GALNS: variants seen among roughly 807,000 people sequenced by gnomAD.
GALNS encodes N-acetylgalactosamine-6-sulfatase.
Under a neutral mutation model 65.9 loss-of-function variants are expected in GALNS, and 65 were observed. That is an observed-to-expected ratio of 0.99 (90% confidence interval 0.81 to 1.21). The LOEUF is 1.21. Among genes scored for constraint, GALNS ranks in the 50% most tolerant of loss-of-function variants. The pLI is 0.00. For synonymous variants in GALNS, 346 were observed against 288.9 expected, an observed-to-expected ratio of 1.20 and a Z score of -2.00; for missense variants, 776 against 700.7, an observed-to-expected ratio of 1.11 and a Z score of -1.21.
At chr16:88,824,523 A>T (rs1397635365) in intron 11 of GALNS, among the ~76,000 whole-genome samples, 1 of 152,006 alleles carries the variant, frequency 6.6e-6, no homozygotes, top group Non-Finnish European at 1.5e-5. Context: ...CCACGCCTGT[A>T]GCTATGCCGC....
At chr16:88,837,289 C>CGGA (rs1912240732) in intron 5 of GALNS, among the ~76,000 whole-genome samples, 1 of 152,158 alleles carries the variant, frequency 6.6e-6, no homozygotes. Flanking sequence ...GGAGCACAGC[C>CGGA]GGCCTCCCCA....
chr16:88,823,535 C>T (rs1297848508), intron 11 of GALNS, among the ~76,000 whole-genome samples: 109 of 119,274 alleles, frequency 9.1e-4, no homozygotes, highest in African/African-American at 3.2e-3. Context: ...GCGGCAATGC[C>T]GGGGACCGAT....
intron 9 of GALNS, among the ~76,000 whole-genome samples, chr16:88,830,058 C>T (rs567531628): frequency 4.6e-5 from 7 of 152,174 alleles, no homozygotes; most frequent in African/African-American, 1.4e-4. Flanking sequence ...TAGTGAAACT[C>T]CGTCTCTACT....
chr16:88,846,043 T>A (rs1003269421), intron 1 of GALNS, among the ~76,000 whole-genome samples: 1 of 152,094 alleles, frequency 6.6e-6, no homozygotes, highest in African/African-American at 2.4e-5. Context: ...TAGGAGTTTA[T>A]CCTAAGAAAA....
At chr16:88,836,096 G>A in intron 6 of GALNS, 105 bp downstream of exon 6, 1 of 1,194,982 alleles carries the variant, frequency 8.4e-7, no homozygotes, top group Non-Finnish European at 1.2e-6. Flanking sequence ...CCTCCCACGG[G>A]GTGAGGTTGA....
chr16:88,817,857 C>G (rs73251082), intron 13 of GALNS, 150 bp downstream of exon 13: 2 of 758,006 alleles, frequency 2.6e-6, no homozygotes, highest in Non-Finnish European at 4.5e-6. Context: ...GACGCCGCCG[C>G]GTGTGCTCTG....
chr16:88,836,773 G>A (rs1006040070), intron 5 of GALNS, among the ~76,000 whole-genome samples: 1 of 152,230 alleles, frequency 6.6e-6, no homozygotes, highest in Admixed American at 6.5e-5. Flanking sequence ...GCTGAGGCCG[G>A]TGCTGCAATA....
At chr16:88,827,148 C>A (rs1911015851) in intron 9 of GALNS, 3 of 510,904 alleles carry the variant, frequency 5.9e-6, no homozygotes, top group Non-Finnish European at 1.1e-5. Context: ...GCCCACCTGT[C>A]CGGAGAGGAT....
At chr16:88,817,433 G>A in intron 13 of GALNS, 1 of 985,448 alleles carries the variant, frequency 1.0e-6, no homozygotes, top group Non-Finnish European at 1.2e-6. Context: ...AGTGAGATCA[G>A]GTCTGATGCG....
At chr16:88,818,213 C>CT in intron 12 of GALNS, 89 bp from the exon 13 acceptor site, 1 of 1,053,474 alleles carries the variant, frequency 9.5e-7, no homozygotes, top group East Asian at 2.5e-5. Context: ...CTGCAGAGCT[C>CT]TAACGGGCTG....
At chr16:88,847,354 G>A (rs1292485099) in intron 1 of GALNS, among the ~76,000 whole-genome samples, 2 of 151,920 alleles carry the variant, frequency 1.3e-5, no homozygotes, top group African/African-American at 2.4e-5. Context: ...CTAGGTAACA[G>A]ACAGAGAACC....
At position 88,836,235 on chromosome 16, in the gene GALNS, G is replaced by C; in HGVS notation, c.599C>G (p.Thr200Arg). ...YYEEFPINLK[T>R]GEANLTQIYL... is the part of the protein sequence containing the mutation. ...GATCTGGGTGAGGTTGGCTTCCCCCGTCTTCAGATTAATAGGAAATTCTTC... is the reference window on the plus strand; with the variant it reads ...GATCTGGGTGAGGTTGGCTTCCCCCCTCTTCAGATTAATAGGAAATTCTTC... The change falls in exon 6 of 14, where the codon ACG becomes AGG. Residue 200 changes from threonine to arginine, a missense_variant. Physicochemically the swap from Thr to Arg is moderately conservative, Grantham distance 71. Coordinates refer to ENST00000268695, the MANE Select transcript of GALNS (RefSeq NM_000512.5). 1 of 1,613,246 alleles carries C rather than the reference G, an allele frequency of 6.2e-7. No individual in the cohort carries two copies. Among genetic ancestry groups the C allele is most frequent in the Non-Finnish European group, 8.5e-7 (1 of 1,179,730 alleles).
intron 5 of GALNS, among the ~76,000 whole-genome samples, chr16:88,836,794 T>C (rs1912188465): frequency 6.6e-6 from 1 of 151,982 alleles, no homozygotes; most frequent in Non-Finnish European, 1.5e-5. Flanking sequence ...ACCTGCCACA[T>C]GGGAAGATGG....
At chr16:88,846,212 A>T (rs745900310) in intron 1 of GALNS, among the ~76,000 whole-genome samples, 1 of 152,228 alleles carries the variant, frequency 6.6e-6, no homozygotes, top group South Asian at 2.1e-4. Context: ...GTAGCTCAGC[A>T]TGTGACCTTA....
intron 9 of GALNS, among the ~76,000 whole-genome samples, chr16:88,829,908 G>A (rs954595656): frequency 2.6e-5 from 4 of 152,192 alleles, no homozygotes; most frequent in African/African-American, 9.6e-5. Flanking sequence ...TGAGCAGGGG[G>A]TGGGGTGGGA....
At chr16:88,815,225 G>T in intron 13 of GALNS, 1 of 985,462 alleles carries the variant, frequency 1.0e-6, no homozygotes, top group Non-Finnish European at 1.2e-6. Flanking sequence ...ATGAGAACTT[G>T]GTGGGGAGGT....
chr16:88,846,163 C>T (rs1567541263), intron 1 of GALNS, among the ~76,000 whole-genome samples: 1 of 152,326 alleles, frequency 6.6e-6, no homozygotes, highest in East Asian at 1.9e-4. Flanking sequence ...ATGGGTGGAG[C>T]TGTATCCCCA....
In GALNS at chr16:88,835,251, G is replaced by A. The variant is rs770053354; in HGVS notation, c.860C>T (p.Ser287Leu). Residue 287 changes from serine (S) to leucine (L), a missense_variant, in exon 8 of 14, where the codon TCG becomes TTG. Physicochemically the swap from Ser to Leu is moderately radical, Grantham distance 145. Transcript: ENST00000268695. ...GGAAATGAGGGCAGCGCCGTTGTCC[G>A]ACGTGAAGAAGACGAAGGTGTTGTC... ...VADNTFVFFT[S>L]DNGAALISAP... 14 of 1,606,430 alleles carry A rather than the reference G, an allele frequency of 8.7e-6. No homozygotes were observed. The highest frequency in any genetic ancestry group is 1.7e-5 in the Admixed American group (1 of 58,998).
chr16:88,824,006 G>T (rs554507813), intron 11 of GALNS, among the ~76,000 whole-genome samples: 46 of 152,320 alleles, frequency 3.0e-4, no homozygotes, highest in Non-Finnish European at 5.9e-4. Flanking sequence ...TGCCCCACGA[G>T]CAGCTTCCCT....
Sources: gnomAD v4.1 joint callset for allele counts (sites outside exome capture counted in the v4.1 genomes callset) on GRCh38, gnomAD v4.1.1 for gene constraint, MANE v1.5 for transcripts, NCBI Gene and HGNC (gene_info 2026-07-23, HGNC 2026-07-21) for gene names.